The following QTGAL variants were observed in gnomAD, a reference collection of about 807,000 sequenced individuals.
QTGAL encodes the protein BGnT-like protein 1.
the QTGAL span, among the ~76,000 whole-genome samples, chr17:82,980,639 G>A: frequency 1.3e-5 from 2 of 152,316 alleles, no homozygotes; most frequent in Admixed American, 1.3e-4. Flanking sequence ...TGTTATTCAA[G>A]GATACAGATG....
chr17:82,959,542 G>C, the QTGAL span, among the ~76,000 whole-genome samples: 157 of 152,134 alleles, frequency 1.0e-3, no homozygotes, highest in Non-Finnish European at 2.0e-3. Flanking sequence ...AGGTGACGCA[G>C]CCTCGCCGGG....
the QTGAL span, among the ~76,000 whole-genome samples, chr17:82,989,625 G>GT: frequency 6.6e-6 from 1 of 152,096 alleles, no homozygotes; most frequent in South Asian, 2.1e-4. Flanking sequence ...TACTAAGGAA[G>GT]TTTCAACGTT....
the QTGAL span, chr17:83,051,613 C>T: frequency 9.9e-7 from 1 of 1,014,992 alleles, no homozygotes; most frequent in Non-Finnish European, 1.3e-6. Flanking sequence ...GCGGAGACCC[C>T]GTAGGTGAGC....
At chr17:82,976,042 G>A in the QTGAL span, among the ~76,000 whole-genome samples, 11 of 81,148 alleles carry the variant, frequency 1.4e-4, no homozygotes, top group African/African-American at 2.4e-4. Flanking sequence ...GGACAGAGCC[G>A]GACTCCATCC....
At chr17:83,028,522 C>CAAAAAAAAAAAAAAAA in the QTGAL span, among the ~76,000 whole-genome samples, 1 of 52,278 alleles carries the variant, frequency 1.9e-5, no homozygotes, top group Non-Finnish European at 4.1e-5. Context: ...GACTCCATCT[C>CAAAAAAAAAAAAAAAA]AAAAAAAAAA....
chr17:83,045,387 A>G, the QTGAL span, among the ~76,000 whole-genome samples: 21 of 152,238 alleles, frequency 1.4e-4, no homozygotes, highest in African/African-American at 4.6e-4. Flanking sequence ...CTTACAAAAG[A>G]ATGAAGCTGG....
chr17:83,048,875 A>G, the QTGAL span: 1 of 1,017,650 alleles, frequency 9.8e-7, no homozygotes, highest in African/African-American at 1.6e-5. Context: ...CCACCCGCAC[A>G]TATGCCGTGA....
At chr17:82,974,513 C>G in the QTGAL span, among the ~76,000 whole-genome samples, 1 of 152,228 alleles carries the variant, frequency 6.6e-6, no homozygotes, top group Admixed American at 6.5e-5. Flanking sequence ...GGCAGAGCTG[C>G]GTCCCCTCGT....
chr17:82,967,426 C>A, the QTGAL span, among the ~76,000 whole-genome samples: 1 of 152,102 alleles, frequency 6.6e-6, no homozygotes, highest in Admixed American at 6.5e-5. Flanking sequence ...TTCTGCTTGT[C>A]GTCCATCCTG....
At chr17:82,957,231 C>T in the QTGAL span, 69 of 1,614,064 alleles carry the variant, frequency 4.3e-5, no homozygotes, top group Admixed American at 6.7e-5. Context: ...TTCTCGTCCA[C>T]GTCACAGAAT....
At chr17:83,034,942 G>A in the QTGAL span, 3 of 1,076,830 alleles carry the variant, frequency 2.8e-6, no homozygotes, top group Non-Finnish European at 4.1e-6. Context: ...TTAGAAAAAT[G>A]ATTTTCAAGA....
At chr17:83,016,388 C>T in the QTGAL span, among the ~76,000 whole-genome samples, 4,199 of 151,762 alleles carry the variant, frequency 0.028, 214 homozygotes, top group African/African-American at 0.097. Context: ...TGAGGGAAGC[C>T]GAGAGGAACC....
chr17:82,998,585 T>A, the QTGAL span, among the ~76,000 whole-genome samples: 7 of 152,286 alleles, frequency 4.6e-5, no homozygotes, highest in Middle Eastern at 6.8e-3. Flanking sequence ...GACCTCATGA[T>A]CCACCCACCT....
chr17:83,014,015 G>C, the QTGAL span, among the ~76,000 whole-genome samples: 1 of 152,132 alleles, frequency 6.6e-6, no homozygotes, highest in South Asian at 2.1e-4. Context: ...GGGCGGAGGA[G>C]CCCACGGGGC....
chr17:82,961,083 TG>T, the QTGAL span: 1 of 1,610,290 alleles, frequency 6.2e-7, no homozygotes, highest in Non-Finnish European at 8.5e-7. Context: ...TGGCCGCCTG[TG>T]GGTGGTGGCG....
the QTGAL span, chr17:82,981,804 C>G: frequency 6.6e-6 from 1 of 152,234 alleles, no homozygotes; most frequent in African/African-American, 2.4e-5. Context: ...GATGCCTTAC[C>G]AATAACATAA....
the QTGAL span, among the ~76,000 whole-genome samples, chr17:82,994,448 GAA>G: frequency 8.5e-4 from 128 of 151,472 alleles, no homozygotes; most frequent in African/African-American, 2.9e-3. Flanking sequence ...GAAAATCTAG[GAA>G]AAAAAATCAA....
At chr17:83,045,224 C>T in the QTGAL span, among the ~76,000 whole-genome samples, 62,061 of 152,006 alleles carry the variant, frequency 0.41, 12,721 homozygotes, top group East Asian at 0.58. Flanking sequence ...GAGGTACTGG[C>T]GTAAGGACAG....
chr17:82,946,832 C>A, the QTGAL span: 5 of 1,406,288 alleles, frequency 3.6e-6, no homozygotes, highest in Non-Finnish European at 4.9e-6. Flanking sequence ...GGAAATGAAA[C>A]ATAATAAAGA....
Sources: allele counts gnomAD v4.1 joint callset (sites outside exome capture counted in the v4.1 genomes callset), GRCh38; gene constraint gnomAD v4.1.1; transcripts MANE v1.5; gene names NCBI Gene and HGNC (gene_info 2026-07-23, HGNC 2026-07-21).